ERBB4: variants seen among roughly 807,000 people sequenced by gnomAD.
ERBB4 encodes the protein receptor tyrosine-protein kinase erbB-4.
In ERBB4, 42 loss-of-function variants were observed where a neutral mutation model predicts 158.0. The observed-to-expected ratio is 0.27, with a 90% confidence interval of 0.21 to 0.34. The LOEUF (loss-of-function observed/expected upper bound fraction) is 0.34, where lower values mean the gene tolerates loss of function less well. Ranked by LOEUF, ERBB4 falls within the 10% of genes least tolerant of loss-of-function variation. The probability of loss-of-function intolerance (pLI) is 1.00; values close to 1 mark genes in which losing one functional copy is unlikely to be tolerated. For synonymous variants in ERBB4, 583 were observed against 558.7 expected (o/e 1.04, Z -0.61); for missense variants, 1,333 against 1,624.1 (o/e 0.82, Z 3.08).
At chr2:211,915,112 T>G (rs141159347) in intron 3 of ERBB4, among the ~76,000 whole-genome samples, 40 of 152,240 alleles carry the variant, frequency 2.6e-4, no homozygotes, top group South Asian at 2.1e-3. Flanking sequence ...TGTCCAACTA[T>G]GCCAATTTTA....
chr2:212,138,595 A>G (rs748144146), intron 1 of ERBB4, among the ~76,000 whole-genome samples: 13 of 152,128 alleles, frequency 8.5e-5, no homozygotes, highest in Non-Finnish European at 1.3e-4. Context: ...AAAAAACACA[A>G]TTCTTTTCTT....
rs375011967 is a variant in ERBB4, at chr2:211,930,370, C to T, written c.421+17060G>A. ...TTTAAGCTGTCAATTACCTTATTTACGGAGTAAAAGAATACAAACAAACAT... is the reference window on the plus strand; with the variant it reads ...TTTAAGCTGTCAATTACCTTATTTATGGAGTAAAAGAATACAAACAAACAT... On this transcript the variant is annotated intron_variant, in intron 3 of 27. Transcript: ENST00000342788. Among the ~76,000 whole-genome samples the T allele has an allele frequency of 8.9e-4, 136 of 152,202 alleles. 3 individuals are homozygous for T. The South Asian group carries it at 0.025, about 28-fold the overall frequency.
chr2:211,387,491 G>A (rs775695158), intron 26 of ERBB4, among the ~76,000 whole-genome samples: 8 of 152,106 alleles, frequency 5.3e-5, no homozygotes, highest in Non-Finnish European at 1.0e-4. Context: ...AAATGCAAGT[G>A]TCATTAATTA....
chr2:212,395,411 TATAAA>T, intron 1 of ERBB4, among the ~76,000 whole-genome samples: 1 of 151,834 alleles, frequency 6.6e-6, no homozygotes, highest in African/African-American at 2.4e-5. Context: ...AATAAATAAA[TATAAA>T]AGAAAATAGA....
At chr2:211,818,219 T>C (rs1200662038) in intron 3 of ERBB4, among the ~76,000 whole-genome samples, 1 of 152,108 alleles carries the variant, frequency 6.6e-6, no homozygotes, top group African/African-American at 2.4e-5. Flanking sequence ...TCCCTATGTT[T>C]AAGTATTAGG....
intron 1 of ERBB4, among the ~76,000 whole-genome samples, chr2:212,332,871 GC>G (rs1383044020): frequency 3.9e-5 from 6 of 152,086 alleles, no homozygotes; most frequent in African/African-American, 1.4e-4. Context: ...ATCACTAGAA[GC>G]TGTGATGTAA....
rs186117747 is a variant in ERBB4, at chr2:212,401,363, A to T, written c.82+137086T>A. On this transcript the variant is annotated intron_variant, in intron 1 of 27. Transcript: ENST00000342788. ...AGATAAAACCCAATATAAATAGAAG[A>T]TTAGCTTACTTCATGACTGGCCTCT... Among the ~76,000 whole-genome samples the T allele has an allele frequency of 8.6e-3, 1,316 of 152,258 alleles. 6 individuals are homozygous for T. The highest frequency in any genetic ancestry group is 0.02 in the Middle Eastern group (6 of 294).
chr2:212,193,215 C>T (rs1219979810), intron 1 of ERBB4, among the ~76,000 whole-genome samples: 1 of 152,094 alleles, frequency 6.6e-6, no homozygotes, highest in Admixed American at 6.6e-5. Flanking sequence ...AACTAATTTG[C>T]CATCTTGTCC....
chr2:212,465,564 T>G (rs1027630479), intron 1 of ERBB4, among the ~76,000 whole-genome samples: 1 of 152,186 alleles, frequency 6.6e-6, no homozygotes, highest in African/African-American at 2.4e-5. Flanking sequence ...CTAGGATCAC[T>G]AAAGCATATG....
intron 5 of ERBB4, among the ~76,000 whole-genome samples, chr2:211,731,353 A>G (rs907389924): frequency 1.3e-5 from 2 of 152,114 alleles, no homozygotes; most frequent in Non-Finnish European, 1.5e-5. Flanking sequence ...ATCATAAAAC[A>G]TATGTTCAAT....
chr2:211,540,215 C>CAT (rs931590565), intron 20 of ERBB4, among the ~76,000 whole-genome samples: 4 of 140,978 alleles, frequency 2.8e-5, no homozygotes, highest in African/African-American at 8.1e-5. Context: ...TACACACACA[C>CAT]ATATATATAA....
chr2:212,143,036 A>G (rs1000978435), intron 1 of ERBB4, among the ~76,000 whole-genome samples: 5 of 152,152 alleles, frequency 3.3e-5, no homozygotes, highest in Admixed American at 3.3e-4. Flanking sequence ...TCATATGTAT[A>G]CAGAAGCTAA....
intron 25 of ERBB4, among the ~76,000 whole-genome samples, chr2:211,402,764 AGAG>A (rs2063071604): frequency 6.6e-6 from 1 of 152,026 alleles, no homozygotes; most frequent in South Asian, 2.1e-4. Flanking sequence ...CCCCTAGAAA[AGAG>A]GAGGTACAAT....
rs1344827790 is a variant in ERBB4, at chr2:211,377,869, A to T, written c.*5746T>A. 4.3e-6 allele frequency: 1 copy of T among 232,912 alleles called. No individual in the cohort carries two copies. The highest frequency in any genetic ancestry group is 8.5e-6 in the Non-Finnish European group (1 of 117,590). The allele number at this position is 232,912 out of a possible 1,614,324, so 14.4% of individuals were successfully genotyped here. A position where few individuals can be genotyped will look rare whatever the true frequency, so the allele number is the denominator to read the frequency against. On this transcript the variant is annotated 3_prime_UTR_variant, in exon 28 of 28. Transcript: ENST00000342788. ...CTATAGGGAAGGACACAGAGAATTG[A>T]TCTTCATGGGAAACCATAATTTTAA...
At chr2:211,561,036 T>C (rs1227368822) in intron 20 of ERBB4, among the ~76,000 whole-genome samples, 3 of 152,192 alleles carry the variant, frequency 2.0e-5, no homozygotes, top group African/African-American at 7.2e-5. Flanking sequence ...GTTGACATAA[T>C]TAAAACTCAT....
intron 3 of ERBB4, among the ~76,000 whole-genome samples, chr2:211,867,022 A>AC (rs747604785): frequency 7.6e-6 from 1 of 131,154 alleles, no homozygotes; most frequent in African/African-American, 2.9e-5. Context: ...ATTCCTTAAA[A>AC]CCAAAAAAAA....
intron 2 of ERBB4, among the ~76,000 whole-genome samples, chr2:212,029,967 C>T (rs1197692736): frequency 6.6e-6 from 1 of 152,080 alleles, no homozygotes; most frequent in Non-Finnish European, 1.5e-5. Context: ...GCAAGTTTTG[C>T]ACTGTACTAT....
At chr2:211,628,680 T>C (rs190377809) in intron 17 of ERBB4, among the ~76,000 whole-genome samples, 235 of 152,350 alleles carry the variant, frequency 1.5e-3, no homozygotes, top group African/African-American at 5.2e-3. Context: ...TTTGGGTATA[T>C]ACCCAGTAAT....
At chr2:212,217,056 A>G (rs900823639) in intron 1 of ERBB4, among the ~76,000 whole-genome samples, 1 of 151,482 alleles carries the variant, frequency 6.6e-6, no homozygotes, top group African/African-American at 2.4e-5. Context: ...ATAAAGAGAA[A>G]GGTAGCATCA....
Sources: allele counts gnomAD v4.1 joint callset (sites outside exome capture counted in the v4.1 genomes callset), GRCh38; gene constraint gnomAD v4.1.1; transcripts MANE v1.5; gene names NCBI Gene and HGNC (gene_info 2026-07-23, HGNC 2026-07-21).